ATP8A2: variants seen among roughly 807,000 people sequenced by gnomAD.
ATP8A2 encodes ATPase phospholipid transporting 8A2.
A neutral mutation model predicts 165.6 loss-of-function variants in ATP8A2; 100 were observed. The observed-to-expected ratio is 0.60, with a 90% CI of 0.51 to 0.71. The LOEUF is 0.71. Ranked by LOEUF, ATP8A2 falls within the 30% of genes least tolerant of loss-of-function variation. ATP8A2 has a pLI of 0.00. For synonymous variants in ATP8A2, 543 were observed against 548.8 expected, an observed-to-expected ratio of 0.99 and a Z score of 0.15; for missense variants, 1,227 against 1,479.5, an observed-to-expected ratio of 0.83 and a Z score of 2.80.
chr13:25,425,098 C>G (rs574156240), intron 1 of ATP8A2, among the ~76,000 whole-genome samples: 1 of 152,056 alleles, frequency 6.6e-6, no homozygotes, highest in African/African-American at 2.4e-5. Flanking sequence ...AAAGAGGTAA[C>G]GACATGGCAC....
chr13:25,534,892 G>T (rs1009237494), intron 6 of ATP8A2, among the ~76,000 whole-genome samples: 1 of 152,196 alleles, frequency 6.6e-6, no homozygotes, highest in African/African-American at 2.4e-5. Context: ...TGGGGCCCTA[G>T]AATTTGCACA....
chr13:25,607,670 C>T lies in ATP8A2; in HGVS notation c.2211+17971C>T, dbSNP rs113492915. ...AACTGACTCAATTCCAGTTCCATTG[C>T]CAGCTGTAGCTATATTTCTGAAACA... On this transcript the variant is annotated intron_variant, in intron 24 of 36. Transcript: ENST00000381655. Among the ~76,000 whole-genome samples, 803 of 152,232 alleles carry T rather than the reference C, an allele frequency of 5.3e-3. 9 individuals are homozygous for T. Among genetic ancestry groups the T allele is most frequent in the South Asian group, 0.021 (99 of 4,822 alleles).
At chr13:25,891,124 T>A (rs1401034024) in intron 33 of ATP8A2, among the ~76,000 whole-genome samples, 3 of 152,196 alleles carry the variant, frequency 2.0e-5, no homozygotes, top group Non-Finnish European at 4.4e-5. Context: ...AGCTACATTG[T>A]CCCCTAAGAT....
rs1319644159 is a variant in ATP8A2, at chr13:26,021,472, C to T, written c.*1487C>T. 6.6e-6 allele frequency: 1 copy of T among 152,206 alleles called. No homozygotes were observed. The highest frequency in any genetic ancestry group is 1.5e-5 in the Non-Finnish European group (1 of 68,052). 9.4% of individuals were successfully genotyped at this position (152,206 alleles called of 1,614,324 possible). A position where few individuals can be genotyped will look rare whatever the true frequency, so the allele number is the denominator to read the frequency against. On this transcript the variant is annotated 3_prime_UTR_variant, in exon 37 of 37. Coordinates refer to ENST00000381655, the MANE Select transcript of ATP8A2 (RefSeq NM_016529.6). ...GACACAGGTACCTATCAGAATACGGCATATCCTGAATTATCTAAGACAAGG... is the reference window on the plus strand; with the variant it reads ...GACACAGGTACCTATCAGAATACGGTATATCCTGAATTATCTAAGACAAGG...
chr13:25,791,642 G>C (rs1324809018), intron 27 of ATP8A2, among the ~76,000 whole-genome samples: 1 of 151,778 alleles, frequency 6.6e-6, no homozygotes, highest in Non-Finnish European at 1.5e-5. Context: ...ATGCGAAAGT[G>C]GTTTCTCTCC....
chr13:25,577,275 T>A, intron 20 of ATP8A2, 137 bp downstream of exon 20: 1 of 767,534 alleles, frequency 1.3e-6, no homozygotes, highest in Admixed American at 2.3e-5. Context: ...GGCTGTGAAG[T>A]TGACTTAGTA....
At chr13:25,435,952 AGTGTG>A (rs2034757989) in intron 1 of ATP8A2, among the ~76,000 whole-genome samples, 1 of 40,674 alleles carries the variant, frequency 2.5e-5, no homozygotes, top group Non-Finnish European at 6.5e-5. Context: ...TGTGTGTGTG[AGTGTG>A]TGTGTGTGTG....
intron 24 of ATP8A2, among the ~76,000 whole-genome samples, chr13:25,603,751 C>T (rs2040448167): frequency 6.6e-6 from 1 of 152,058 alleles, no homozygotes; most frequent in African/African-American, 2.4e-5. Flanking sequence ...GGGTTTGGAT[C>T]TGAGCAATTG....
intron 1 of ATP8A2, among the ~76,000 whole-genome samples, chr13:25,426,439 C>T (rs967931746): frequency 6.4e-4 from 97 of 152,112 alleles, no homozygotes; most frequent in African/African-American, 2.2e-3. Context: ...ATACTTCCCA[C>T]CAGGCTCCAC....
At chr13:25,567,811 G>A (rs1220372823) in intron 16 of ATP8A2, among the ~76,000 whole-genome samples, 1 of 152,100 alleles carries the variant, frequency 6.6e-6, no homozygotes, top group Non-Finnish European at 1.5e-5. Context: ...CATAGAATAG[G>A]CTCCAATATT....
At chr13:25,945,052 C>T (rs1955175312) in intron 33 of ATP8A2, among the ~76,000 whole-genome samples, 1 of 152,134 alleles carries the variant, frequency 6.6e-6, no homozygotes, top group South Asian at 2.1e-4. Flanking sequence ...CTCACTTATG[C>T]CTGAGGCCAG....
At chr13:25,689,712 A>G (rs1232493463) in intron 24 of ATP8A2, among the ~76,000 whole-genome samples, 1 of 152,208 alleles carries the variant, frequency 6.6e-6, no homozygotes, top group Non-Finnish European at 1.5e-5. Context: ...TCAAGTACAC[A>G]GTGACTTCTA....
At chr13:25,634,393 G>C (rs58523783) in intron 24 of ATP8A2, among the ~76,000 whole-genome samples, 5,249 of 152,232 alleles carry the variant, frequency 0.034, 154 homozygotes, top group East Asian at 0.13. Context: ...ACATTATGCT[G>C]TAACTGCAGT....
rs1190727542 is a variant in ATP8A2 at position 25,428,370 on chromosome 13, C to A, written c.77-40607C>A. ...CACTACTTCTTGGTGTTAACTTGTTCTTTCAGTAAATGCGAATGGAGCACC... is the reference window on the plus strand; with the variant it reads ...CACTACTTCTTGGTGTTAACTTGTTATTTCAGTAAATGCGAATGGAGCACC... On this transcript the variant is annotated intron_variant, in intron 1 of 36. Coordinates refer to ENST00000381655, the MANE Select transcript of ATP8A2 (RefSeq NM_016529.6). Among the ~76,000 whole-genome samples the A allele has an allele frequency of 3.9e-5, 6 of 152,196 alleles. No individual in the cohort carries two copies. The East Asian group carries it at 1.2e-3, about 29-fold the overall frequency.
chr13:25,649,502 C>T (rs562180247), intron 24 of ATP8A2, among the ~76,000 whole-genome samples: 2 of 152,278 alleles, frequency 1.3e-5, no homozygotes, highest in East Asian at 1.9e-4. Context: ...TTGAAGTTTT[C>T]CTTCCTGCCT....
rs1218353910 is a variant in ATP8A2 at position 25,940,868 on chromosome 13, G to A, written c.3184-20707G>A. 5.3e-5 allele frequency among the ~76,000 whole-genome samples: 8 copies of A among 152,222 alleles called. No homozygotes were observed. The East Asian group carries it at 1.5e-3, about 29-fold the overall frequency. Reference sequence around the variant, plus strand: ...GCTCCGTGACCCATCGTGCCTGAGTGACCTCACCTGTGAGAGGAGAATCAA... The same window carrying A: ...GCTCCGTGACCCATCGTGCCTGAGTAACCTCACCTGTGAGAGGAGAATCAA... On this transcript the variant is annotated intron_variant, in intron 33 of 36. Transcript: ENST00000381655.
chr13:25,569,115 T>C (rs2039397686), intron 16 of ATP8A2, among the ~76,000 whole-genome samples: 1 of 152,176 alleles, frequency 6.6e-6, no homozygotes, highest in South Asian at 2.1e-4. Flanking sequence ...TGTTCAGGAT[T>C]GGAAAATTCT....
chr13:25,566,587 G>A (rs781347802), intron 16 of ATP8A2, among the ~76,000 whole-genome samples: 2 of 152,150 alleles, frequency 1.3e-5, no homozygotes, highest in Non-Finnish European at 2.9e-5. Flanking sequence ...CCAGTTTCAC[G>A]AGCTTGCTTT....
chr13:25,862,420 T>C lies in ATP8A2; in HGVS notation c.3183+12T>C. 6.4e-7 allele frequency: 1 copy of C among 1,570,392 alleles called. No homozygotes were observed. The highest frequency in any genetic ancestry group is 1.1e-5 in the South Asian group (1 of 90,202). ...ATATGAGAGGACAGGTAAGTACTCC[T>C]GATTGGGAGTGTGTCTTCTGTGTCT... On this transcript the variant is annotated intron_variant, in intron 33 of 36. Coordinates refer to ENST00000381655, the MANE Select transcript of ATP8A2 (RefSeq NM_016529.6).
Sources: allele counts gnomAD v4.1 joint callset (sites outside exome capture counted in the v4.1 genomes callset), GRCh38; gene constraint gnomAD v4.1.1; transcripts MANE v1.5; gene names NCBI Gene and HGNC (gene_info 2026-07-23, HGNC 2026-07-21).